ANKRD6: variants seen among roughly 807,000 people sequenced by gnomAD.
The protein encoded by ANKRD6 is ankyrin repeat domain 6, also known as ankyrin repeat domain-containing protein 6.
Under a neutral mutation model 82.3 loss-of-function variants are expected in ANKRD6, and 56 were observed. The ratio of observed to expected loss-of-function variants is 0.68; its 90% CI spans 0.55 to 0.85. ANKRD6 has a LOEUF of 0.85. Ranked by LOEUF, ANKRD6 falls within the 40% of genes least tolerant of loss-of-function variation. The probability of loss-of-function intolerance (pLI) is 0.00; values close to 1 mark genes in which losing one functional copy is unlikely to be tolerated. For missense variants in ANKRD6, 852 were observed against 907.6 expected (o/e 0.94, Z 0.79); for synonymous variants, 347 against 352.1 (o/e 0.99, Z 0.16).
chr6:89,436,873 C>T (rs1360426918), intron 1 of ANKRD6, among the ~76,000 whole-genome samples: 6 of 152,124 alleles, frequency 3.9e-5, no homozygotes, highest in Non-Finnish European at 1.5e-5. Flanking sequence ...TTCCTCATCC[C>T]GTCAAGGGGG....
At chr6:89,476,976 G>A (rs975341165) in intron 1 of ANKRD6, among the ~76,000 whole-genome samples, 31 of 152,072 alleles carry the variant, frequency 2.0e-4, no homozygotes, top group African/African-American at 6.0e-4. Context: ...ACGGAGTCTC[G>A]TTCTGTCGCC....
chr6:89,616,647 T>C lies in ANKRD6; in HGVS notation c.704T>C (p.Ile235Thr). The C allele has an allele frequency of 1.2e-6, 2 of 1,613,956 alleles. No individual in the cohort carries two copies. Among genetic ancestry groups the C allele is most frequent in the Non-Finnish European group, 1.7e-6 (2 of 1,179,844 alleles). Residue 235 changes from isoleucine (I) to threonine (T), a missense_variant, in exon 8 of 16, where the codon ATT (isoleucine) becomes ACT (threonine). By Grantham distance (89) the Ile-to-Thr change is moderately conservative. Coordinates refer to ENST00000339746, the MANE Select transcript of ANKRD6 (RefSeq NM_001242809.2). ...CTGGAAGCCGGAGCAGATACGACCA[T>C]TGTTAACAATGTAAGTTGAGTTGCA... Reference protein sequence around the residue: ...ILLEAGADTTIVNNAGQTPLE... With the variant: ...ILLEAGADTTTVNNAGQTPLE...
intron 2 of ANKRD6, among the ~76,000 whole-genome samples, chr6:89,586,686 G>A (rs1793753854): frequency 6.6e-6 from 1 of 151,620 alleles, no homozygotes; most frequent in South Asian, 2.1e-4. Flanking sequence ...GACTGTCTTG[G>A]GGGAGAAAAA....
intron 1 of ANKRD6, among the ~76,000 whole-genome samples, chr6:89,488,615 C>T (rs1020302948): frequency 7.9e-5 from 12 of 152,164 alleles, no homozygotes; most frequent in African/African-American, 2.9e-4. Context: ...CAGAGCTATG[C>T]TTAGTAAAGG....
At chr6:89,549,211 A>T (rs1785492559) in intron 1 of ANKRD6, among the ~76,000 whole-genome samples, 1 of 152,080 alleles carries the variant, frequency 6.6e-6, no homozygotes, top group African/African-American at 2.4e-5. Context: ...CTCTGTCTCC[A>T]AAAAAAGAAA....
chr6:89,449,427 C>T (rs1209533855), intron 1 of ANKRD6, among the ~76,000 whole-genome samples: 2 of 152,164 alleles, frequency 1.3e-5, no homozygotes, highest in Non-Finnish European at 2.9e-5. Context: ...TTGAGGTAGA[C>T]TTGTGAAAGT....
intron 1 of ANKRD6, among the ~76,000 whole-genome samples, chr6:89,516,929 C>T (rs965892199): frequency 6.6e-6 from 1 of 152,174 alleles, no homozygotes; most frequent in South Asian, 2.1e-4. Context: ...AGTGCAGTGG[C>T]ACAATCATAG....
intron 1 of ANKRD6, among the ~76,000 whole-genome samples, chr6:89,496,227 A>C (rs1313291989): frequency 6.7e-6 from 1 of 149,548 alleles, no homozygotes; most frequent in Non-Finnish European, 1.5e-5. Flanking sequence ...TTGGGAAGAC[A>C]ATGTTTGAAT....
At chr6:89,599,209 CA>C (rs545425379) in intron 3 of ANKRD6, among the ~76,000 whole-genome samples, 333 of 152,104 alleles carry the variant, frequency 2.2e-3, no homozygotes, top group Non-Finnish European at 4.1e-3. Context: ...TCCATCTCTA[CA>C]AAAAATAAAA....
intron 1 of ANKRD6, among the ~76,000 whole-genome samples, chr6:89,459,195 C>T (rs1773839500): frequency 6.6e-6 from 1 of 152,204 alleles, no homozygotes; most frequent in Non-Finnish European, 1.5e-5. Flanking sequence ...TCTCCTGCCT[C>T]AGCCTCCCGA....
At chr6:89,520,224 A>G (rs1562706472) in intron 1 of ANKRD6, among the ~76,000 whole-genome samples, 1 of 152,218 alleles carries the variant, frequency 6.6e-6, no homozygotes, top group Non-Finnish European at 1.5e-5. Flanking sequence ...GGCTCAAGTC[A>G]TCCTCCCACC....
intron 2 of ANKRD6, among the ~76,000 whole-genome samples, chr6:89,576,568 A>G (rs1172777992): frequency 1.3e-5 from 2 of 152,098 alleles, no homozygotes; most frequent in African/African-American, 4.8e-5. Context: ...TCTAGACAAT[A>G]TATTTTGAGC....
At chr6:89,540,626 C>G (rs1392565330) in intron 1 of ANKRD6, among the ~76,000 whole-genome samples, 1 of 152,118 alleles carries the variant, frequency 6.6e-6, no homozygotes, top group African/African-American at 2.4e-5. Context: ...AGCTTTTTAA[C>G]TTGATATGAC....
At chr6:89,553,424 T>C (rs1214099118) in intron 1 of ANKRD6, among the ~76,000 whole-genome samples, 3 of 152,242 alleles carry the variant, frequency 2.0e-5, no homozygotes, top group Admixed American at 6.5e-5. Context: ...GAAGAAATAC[T>C]GTTGGAAACC....
At chr6:89,477,109 T>G (rs527252443) in intron 1 of ANKRD6, among the ~76,000 whole-genome samples, 2 of 152,254 alleles carry the variant, frequency 1.3e-5, no homozygotes, top group African/African-American at 4.8e-5. Context: ...CACGCCCGGC[T>G]AATTTTTTGC....
chr6:89,535,923 A>T (rs1783766622), intron 1 of ANKRD6, among the ~76,000 whole-genome samples: 1 of 152,336 alleles, frequency 6.6e-6, no homozygotes, highest in East Asian at 1.9e-4. Flanking sequence ...GGGTTGTCAG[A>T]GGATTAAATG....
chr6:89,540,865 A>G (rs1285906328), intron 1 of ANKRD6, among the ~76,000 whole-genome samples: 1 of 152,144 alleles, frequency 6.6e-6, no homozygotes, highest in Admixed American at 6.5e-5. Context: ...TTTCCCAGCA[A>G]CATTTATTGA....
intron 1 of ANKRD6, among the ~76,000 whole-genome samples, chr6:89,551,419 G>C (rs1259450101): frequency 6.6e-6 from 1 of 152,160 alleles, no homozygotes; most frequent in Admixed American, 6.5e-5. Flanking sequence ...GCTGAGGCTG[G>C]GGAATGTGCA....
At chr6:89,616,953 C>T (rs752740790) in intron 8 of ANKRD6, 2 of 552,590 alleles carry the variant, frequency 3.6e-6, no homozygotes, top group South Asian at 3.1e-5. Flanking sequence ...GGATGTTACC[C>T]AAAGTGAGTT....
Sources: gnomAD v4.1 joint callset for allele counts (sites outside exome capture counted in the v4.1 genomes callset) on GRCh38, gnomAD v4.1.1 for gene constraint, MANE v1.5 for transcripts, NCBI Gene and HGNC (gene_info 2026-07-23, HGNC 2026-07-21) for gene names.